Variants in FLT3 observed in about 807,000 individuals in gnomAD.
The protein encoded by FLT3 is fms related receptor tyrosine kinase 3, also known as receptor-type tyrosine-protein kinase FLT3.
A neutral mutation model predicts 126.6 loss-of-function variants in FLT3; 46 were observed. That is an observed-to-expected ratio of 0.36 (90% confidence interval 0.29 to 0.46). The LOEUF is 0.46. Ranked by LOEUF, FLT3 falls within the 20% of genes least tolerant of loss-of-function variation. FLT3 has a pLI of 1.00. For synonymous variants in FLT3, 404 were observed against 434.4 expected (o/e 0.93, Z 0.87); for missense variants, 1,069 against 1,190.3 (o/e 0.90, Z 1.50).
intron 9 of FLT3, among the ~76,000 whole-genome samples, chr13:28,045,333 A>G (rs1293948525): frequency 6.6e-6 from 1 of 152,202 alleles, no homozygotes; most frequent in East Asian, 1.9e-4. Context: ...ACAGCATCAC[A>G]CCCATCAAGA....
At chr13:28,014,318 T>C in intron 23 of FLT3, 134 bp downstream of exon 23, 1 of 642,988 alleles carries the variant, frequency 1.6e-6, no homozygotes, top group Non-Finnish European at 2.8e-6. Context: ...CCCACACAAC[T>C]TTGAAAGGGC....
At position 28,050,272 on chromosome 13, in the gene FLT3, A is replaced by AAATG. The variant is rs1566083499; in HGVS notation, c.615-54_615-51dup. ...TTGGCTAAACAAGTTTTAAAATTAC[A>AAATG]AATGAATGCTCAAGAGGAGAACAAA... On this transcript the variant is annotated intron_variant, in intron 5 of 23. Transcript: ENST00000241453. 7.6e-6 allele frequency: 12 copies of AAATG among 1,577,968 alleles called. No individual in the cohort carries two copies. In the South Asian group the frequency reaches 1.2e-4, roughly 16 times the overall value.
At chr13:28,044,523 T>C (rs901422206) in intron 9 of FLT3, among the ~76,000 whole-genome samples, 17 of 151,804 alleles carry the variant, frequency 1.1e-4, no homozygotes, top group Middle Eastern at 6.8e-3. Context: ...TCCATCCCCA[T>C]CTCAACATAG....
At chr13:28,006,366 T>C (rs1215740834) in intron 23 of FLT3, among the ~76,000 whole-genome samples, 1 of 151,464 alleles carries the variant, frequency 6.6e-6, no homozygotes, top group African/African-American at 2.4e-5. Context: ...AATATATCCA[T>C]TGTGAACCAG....
At chr13:28,065,903 G>A (rs935083969) in intron 2 of FLT3, among the ~76,000 whole-genome samples, 13 of 152,000 alleles carry the variant, frequency 8.6e-5, no homozygotes, top group Admixed American at 3.3e-4. Flanking sequence ...TTGGGAGGCC[G>A]AGGCAGGCAG....
intron 23 of FLT3, among the ~76,000 whole-genome samples, chr13:28,006,306 T>TTATG (rs375433153): frequency 7.5e-5 from 11 of 147,096 alleles, no homozygotes; most frequent in African/African-American, 2.2e-4. Flanking sequence ...TTCTAGAAAA[T>TTATG]TGTGTGTGTG....
At position 28,010,379 on chromosome 13, in the gene FLT3, C is replaced by T. The variant is rs149963910; in HGVS notation, c.2859+4073G>A. ...AGTCATCCTACACTAGGATTTGAGT[C>T]TCACATGGAGTTACAGCTGAAAGTG... On this transcript the variant is annotated intron_variant, in intron 23 of 23. Transcript: ENST00000241453. Among the ~76,000 whole-genome samples, 154 of 152,326 alleles carry T rather than the reference C, an allele frequency of 1.0e-3. 1 individual carries two copies. Among genetic ancestry groups the T allele is most frequent in the Admixed American group, 5.2e-3 (79 of 15,300 alleles).
chr13:28,079,434 G>T (rs1004437550), intron 1 of FLT3, among the ~76,000 whole-genome samples: 2 of 152,050 alleles, frequency 1.3e-5, no homozygotes, highest in Non-Finnish European at 2.9e-5. Context: ...TCCAACTTCT[G>T]CCTGTTACCC....
At chr13:28,062,700 C>T (rs1933435) in intron 2 of FLT3, among the ~76,000 whole-genome samples, 140,882 of 146,068 alleles carry the variant, frequency 0.96, 68,057 homozygotes, top group East Asian at 1. Flanking sequence ...GCTGAGATCG[C>T]GCCACTGCAC....
At chr13:28,006,030 G>A (rs902820285) in intron 23 of FLT3, among the ~76,000 whole-genome samples, 3 of 152,028 alleles carry the variant, frequency 2.0e-5, no homozygotes, top group Admixed American at 6.6e-5. Flanking sequence ...AGGCCGGGGC[G>A]GGAGGATTGC....
chr13:28,094,811 T>C (rs775622326), intron 1 of FLT3, among the ~76,000 whole-genome samples: 6 of 152,150 alleles, frequency 3.9e-5, no homozygotes, highest in Non-Finnish European at 8.8e-5. Context: ...TACTTTTATA[T>C]TATTTTAAAA....
rs1002734256 is a variant in FLT3, at chr13:28,085,533, C to T, written c.44-14921G>A. The stretch of plus-strand genomic sequence containing the variant: ...TTATTGAAGGAGAAGGAGTGTCATA[C>T]ACTTTGAATATAATTGTGTATTTGT... On this transcript the variant is annotated intron_variant, in intron 1 of 23. Coordinates refer to ENST00000241453, the MANE Select transcript of FLT3 (RefSeq NM_004119.3). Among the ~76,000 whole-genome samples, 4 of 152,140 alleles carry T rather than the reference C, an allele frequency of 2.6e-5. No individual in the cohort carries two copies. In the South Asian group the frequency reaches 6.2e-4, roughly 24 times the overall value.
chr13:28,082,237 A>C (rs1163926468), intron 1 of FLT3, among the ~76,000 whole-genome samples: 2 of 152,018 alleles, frequency 1.3e-5, no homozygotes, highest in African/African-American at 4.8e-5. Flanking sequence ...TCCAACACTG[A>C]ACTCCTGGGC....
At chr13:28,091,285 G>C (rs868797702) in intron 1 of FLT3, among the ~76,000 whole-genome samples, 16 of 126,252 alleles carry the variant, frequency 1.3e-4, no homozygotes, top group East Asian at 5.2e-4. Flanking sequence ...GCAGTGGCGC[G>C]ATCTCGGCTC....
chr13:28,087,250 C>T (rs1029532467), intron 1 of FLT3, among the ~76,000 whole-genome samples: 4 of 151,198 alleles, frequency 2.6e-5, no homozygotes, highest in African/African-American at 9.7e-5. Context: ...TTTTATTTTT[C>T]GTAGAGACAG....
intron 9 of FLT3, among the ~76,000 whole-genome samples, chr13:28,045,104 A>G (rs888406805): frequency 6.6e-6 from 1 of 152,180 alleles, no homozygotes; most frequent in Non-Finnish European, 1.5e-5. Flanking sequence ...TAGGATAACA[A>G]TCTGGGGTCA....
At chr13:28,015,519 G>A in intron 21 of FLT3, 71 bp downstream of exon 21, 2 of 796,874 alleles carry the variant, frequency 2.5e-6, no homozygotes, top group South Asian at 2.9e-5. Context: ...GGGGGGAGGG[G>A]TGGGGCGGCA....
chr13:28,061,110 C>G (rs920777424), intron 3 of FLT3, among the ~76,000 whole-genome samples: 1 of 151,670 alleles, frequency 6.6e-6, no homozygotes, highest in African/African-American at 2.4e-5. Flanking sequence ...AATTCCAGTA[C>G]TTTGGGAGGC....
At chr13:28,084,485 G>A (rs1387986629) in intron 1 of FLT3, among the ~76,000 whole-genome samples, 2 of 152,026 alleles carry the variant, frequency 1.3e-5, no homozygotes, top group African/African-American at 4.8e-5. Flanking sequence ...CTCCTGTGTA[G>A]CTGGGAGTAC....
Sources: gnomAD v4.1 joint callset for allele counts (sites outside exome capture counted in the v4.1 genomes callset) on GRCh38, gnomAD v4.1.1 for gene constraint, MANE v1.5 for transcripts, NCBI Gene and HGNC (gene_info 2026-07-23, HGNC 2026-07-21) for gene names.